Variants in NR5A2 observed in about 807,000 individuals in gnomAD.
The protein encoded by NR5A2 is CYP7A promoter-binding factor.
In NR5A2, 26 loss-of-function variants were observed where a neutral mutation model predicts 62.7. The observed-to-expected ratio is 0.41, with a 90% CI of 0.30 to 0.58. The LOEUF is 0.58. NR5A2 is among the 20% of genes least tolerant of loss of function. NR5A2 has a pLI of 0.22. For missense variants in NR5A2, 541 were observed against 669.1 expected (o/e 0.81, Z 2.11); for synonymous variants, 246 against 241.7 (o/e 1.02, Z -0.16).
At chr1:200,067,424 C>T (rs1489606629) in intron 5 of NR5A2, among the ~76,000 whole-genome samples, 5 of 152,266 alleles carry the variant, frequency 3.3e-5, no homozygotes, top group Middle Eastern at 3.4e-3. Context: ...GGCAGGGTGG[C>T]GGGTGCCTGT....
chr1:200,044,639 T>C (rs1662273596), intron 3 of NR5A2: 1 of 152,110 alleles, frequency 6.6e-6, no homozygotes, highest in African/African-American at 2.4e-5. Context: ...CTCAGTACAA[T>C]TACTTAAACC....
intron 5 of NR5A2, among the ~76,000 whole-genome samples, chr1:200,087,993 T>A (rs1297821584): frequency 6.6e-6 from 1 of 152,192 alleles, no homozygotes; most frequent in East Asian, 1.9e-4. Context: ...GTAGGTGATC[T>A]GCCCACCTGG....
intron 5 of NR5A2, among the ~76,000 whole-genome samples, chr1:200,091,198 T>G (rs528238472): frequency 3.3e-5 from 5 of 152,244 alleles, no homozygotes; most frequent in African/African-American, 1.2e-4. Flanking sequence ...CAAGCTAGGG[T>G]TAGGGACTAG....
At chr1:200,033,514 G>A (rs1236380288) in intron 1 of NR5A2, among the ~76,000 whole-genome samples, 3 of 152,168 alleles carry the variant, frequency 2.0e-5, no homozygotes, top group Admixed American at 2.0e-4. Context: ...CTTGCTCAGG[G>A]TTTGGATGCC....
Position 200,039,824 on chromosome 1 carries a change from T to C in NR5A2, c.202+29T>C, listed in dbSNP as rs1225828391. 1.9e-6 allele frequency: 3 copies of C among 1,582,302 alleles called. No individual in the cohort carries two copies. Among genetic ancestry groups the C allele is most frequent in the South Asian group, 2.3e-5 (2 of 88,574 alleles). On this transcript the variant is annotated intron_variant, in intron 2 of 7. Transcript: ENST00000367362. This position sits in a 1 kb window ranked among gnomAD's most constrained non-coding sequence, Gnocchi z 5.1. ...AGGAGGCGCCGCGCGGCGCTCCGGC[T>C]CCCGCTGCTTCCCCACCCCCGGGCT...
chr1:200,127,676 CAAAAAAAAAAAAAAAA>C (rs71132666), intron 7 of NR5A2, among the ~76,000 whole-genome samples: 9 of 25,600 alleles, frequency 3.5e-4, no homozygotes, highest in South Asian at 2.4e-3. Flanking sequence ...GACTCTGTCT[CAAAAAAAAAAAAAAAA>C]AAAAAAAAAA....
intron 5 of NR5A2, among the ~76,000 whole-genome samples, chr1:200,054,553 G>A (rs999829308): frequency 1.3e-5 from 2 of 152,010 alleles, no homozygotes; most frequent in South Asian, 2.1e-4. Flanking sequence ...ATACATGTAC[G>A]TATTAAAAAA....
At chr1:200,142,286 G>A (rs1387647176) in intron 7 of NR5A2, among the ~76,000 whole-genome samples, 1 of 132,504 alleles carries the variant, frequency 7.5e-6, no homozygotes, top group African/African-American at 2.9e-5. Flanking sequence ...TGCGACCTCT[G>A]CCTCCCGGGT....
chr1:200,058,979 A>C (rs1663062166), intron 5 of NR5A2, among the ~76,000 whole-genome samples: 1 of 151,638 alleles, frequency 6.6e-6, no homozygotes, highest in African/African-American at 2.4e-5. Flanking sequence ...GCGTGGTGGC[A>C]CTTGCCTATA....
At chr1:200,040,850 G>T (rs1442012512) in intron 2 of NR5A2, among the ~76,000 whole-genome samples, 1 of 152,248 alleles carries the variant, frequency 6.6e-6, no homozygotes, top group African/African-American at 2.4e-5. Flanking sequence ...CTACCGCGGA[G>T]GGGAAAATAC....
intron 5 of NR5A2, among the ~76,000 whole-genome samples, chr1:200,107,303 C>CT (rs5780011): frequency 0.86 from 125,117 of 146,166 alleles, 53,496 homozygotes; most frequent in East Asian, 0.95. Flanking sequence ...TATTAAGTGG[C>CT]TTTTTTTTTT....
At chr1:200,091,322 G>T (rs1227384486) in intron 5 of NR5A2, among the ~76,000 whole-genome samples, 2 of 151,980 alleles carry the variant, frequency 1.3e-5, no homozygotes, top group African/African-American at 4.8e-5. Flanking sequence ...AGGGGAGTGG[G>T]GAGGGTCAAT....
chr1:200,141,159 G>A (rs911865868), intron 7 of NR5A2, among the ~76,000 whole-genome samples: 1 of 152,018 alleles, frequency 6.6e-6, no homozygotes, highest in African/African-American at 2.4e-5. Context: ...TGTGTTGGGG[G>A]GTGGGTTCTG....
intron 7 of NR5A2, among the ~76,000 whole-genome samples, chr1:200,152,196 CAT>C: frequency 6.6e-6 from 1 of 152,234 alleles, no homozygotes; most frequent in Non-Finnish European, 1.5e-5. Context: ...ATTTGGGCAA[CAT>C]AAAGAGATTT....
intron 7 of NR5A2, among the ~76,000 whole-genome samples, chr1:200,159,640 TTTATTATTATTA>T (rs59297519): frequency 6.7e-6 from 1 of 148,594 alleles, no homozygotes; most frequent in Admixed American, 6.7e-5. Context: ...TTTTAAATTA[TTTATTATTATTA>T]TTATTATTAT....
At chr1:200,098,361 G>T (rs891305740) in intron 5 of NR5A2, among the ~76,000 whole-genome samples, 1 of 151,062 alleles carries the variant, frequency 6.6e-6, no homozygotes, top group East Asian at 1.9e-4. Context: ...ACTTCCAAAG[G>T]ACTTCATTTC....
chr1:200,035,037 G>A (rs534630785), intron 1 of NR5A2, among the ~76,000 whole-genome samples: 1 of 152,128 alleles, frequency 6.6e-6, no homozygotes, highest in South Asian at 2.1e-4. Flanking sequence ...TTCAGAGAAA[G>A]GCAAAAGCAG....
chr1:200,133,524 TATACACACACATATATATATATACAC>T (rs1324073052), intron 7 of NR5A2, among the ~76,000 whole-genome samples: 1 of 96,874 alleles, frequency 1.0e-5, no homozygotes, highest in African/African-American at 4.6e-5. Flanking sequence ...TATATATATA[TATACACACACATATATATATATACAC>T]ATATATACAC....
intron 5 of NR5A2, among the ~76,000 whole-genome samples, chr1:200,074,066 A>C (rs1663884436): frequency 6.6e-6 from 1 of 152,220 alleles, no homozygotes. Flanking sequence ...GATTTGGATG[A>C]AAATGGCTAT....
Sources: allele counts gnomAD v4.1 joint callset (sites outside exome capture counted in the v4.1 genomes callset), GRCh38; gene constraint gnomAD v4.1.1; non-coding constraint Gnocchi (gnomAD v3.1); transcripts MANE v1.5; gene names NCBI Gene and HGNC (gene_info 2026-07-23, HGNC 2026-07-21).